The following ANO3 variants were observed in gnomAD, a reference collection of about 807,000 sequenced individuals.
The protein encoded by ANO3 is anoctamin-3.
ANO3 carries 99 observed loss-of-function variants against 144.8 expected under a neutral mutation model. The ratio of observed to expected loss-of-function variants is 0.68; its 90% CI spans 0.58 to 0.81. ANO3 has a LOEUF of 0.81. ANO3 is among the 30% of genes least tolerant of loss of function. The probability of loss-of-function intolerance (pLI) is 0.00; values close to 1 mark genes in which losing one functional copy is unlikely to be tolerated. For synonymous variants in ANO3, 414 were observed against 392.6 expected (o/e 1.05, Z -0.64); for missense variants, 905 against 1,202.2 (o/e 0.75, Z 3.66).
chr11:26,366,317 C>G (rs1193844943), intron 1 of ANO3, among the ~76,000 whole-genome samples: 3 of 152,132 alleles, frequency 2.0e-5, no homozygotes, highest in African/African-American at 7.2e-5. Flanking sequence ...CTACAAAGGA[C>G]ATGAACTCAT....
At chr11:26,415,230 T>A (rs980736571) in intron 1 of ANO3, among the ~76,000 whole-genome samples, 1 of 152,038 alleles carries the variant, frequency 6.6e-6, no homozygotes, top group Non-Finnish European at 1.5e-5. Flanking sequence ...ATATTAGACC[T>A]GCTAGGAATT....
intron 1 of ANO3, among the ~76,000 whole-genome samples, chr11:26,260,253 T>G (rs11029451): frequency 0.02 from 3,003 of 152,198 alleles, 62 homozygotes; most frequent in East Asian, 0.12. Context: ...ATATAAGACT[T>G]CTTTTCCCAA....
chr11:26,241,138 CTT>C (rs59518303), intron 1 of ANO3, among the ~76,000 whole-genome samples: 1 of 152,184 alleles, frequency 6.6e-6, no homozygotes, highest in Non-Finnish European at 1.5e-5. Flanking sequence ...CTCTCTCTCT[CTT>C]TGCCTGTCAC....
chr11:26,428,003 G>A (rs933471656), intron 1 of ANO3, among the ~76,000 whole-genome samples: 4 of 151,974 alleles, frequency 2.6e-5, no homozygotes, highest in Non-Finnish European at 4.4e-5. Flanking sequence ...TGACACGTGG[G>A]GAATATGTGA....
At chr11:26,649,561 A>G (rs1180185002) in intron 24 of ANO3, among the ~76,000 whole-genome samples, 1 of 151,930 alleles carries the variant, frequency 6.6e-6, no homozygotes. Flanking sequence ...ACATGGTGAA[A>G]CCCCCTCACT....
At chr11:26,253,151 G>A (rs1317153001) in intron 1 of ANO3, among the ~76,000 whole-genome samples, 6 of 152,106 alleles carry the variant, frequency 3.9e-5, no homozygotes, top group Non-Finnish European at 1.5e-5. Flanking sequence ...ATGGTACACA[G>A]CACTTCTCTA....
chr11:26,499,571 T>G (rs10767538), intron 4 of ANO3, among the ~76,000 whole-genome samples: 90,337 of 151,086 alleles, frequency 0.6, 27,678 homozygotes, highest in East Asian at 0.68. Flanking sequence ...GAAAATTTTA[T>G]GGATTTGTAA....
chr11:26,534,735 A>G (rs2134191080), intron 9 of ANO3, among the ~76,000 whole-genome samples, 173 bp downstream of exon 9: 1 of 152,340 alleles, frequency 6.6e-6, no homozygotes, highest in East Asian at 1.9e-4. Flanking sequence ...AAAACAAAAA[A>G]AACTTTTTTG....
At chr11:26,536,868 G>C (rs544501327) in intron 9 of ANO3, among the ~76,000 whole-genome samples, 2 of 152,070 alleles carry the variant, frequency 1.3e-5, no homozygotes, top group African/African-American at 4.8e-5. Flanking sequence ...GTTCTTACCA[G>C]GAGTATATGA....
At chr11:26,513,250 A>G (rs563470406) in intron 5 of ANO3, among the ~76,000 whole-genome samples, 2 of 152,238 alleles carry the variant, frequency 1.3e-5, no homozygotes, top group Admixed American at 6.5e-5. Context: ...TCTGGATGAA[A>G]TGAGGTTCTA....
At chr11:26,340,473 A>G (rs1222529614) in intron 1 of ANO3, among the ~76,000 whole-genome samples, 2 of 152,178 alleles carry the variant, frequency 1.3e-5, no homozygotes, top group East Asian at 3.9e-4. Flanking sequence ...AGAATCACCT[A>G]ACATTCTTGT....
At chr11:26,263,860 G>T (rs541653002) in intron 1 of ANO3, among the ~76,000 whole-genome samples, 333 of 152,216 alleles carry the variant, frequency 2.2e-3, no homozygotes, top group African/African-American at 7.9e-3. Flanking sequence ...GTATCATTTG[G>T]TTCCTATAAA....
chr11:26,640,893 C>T (rs1179763925), intron 21 of ANO3, among the ~76,000 whole-genome samples: 1 of 152,170 alleles, frequency 6.6e-6, no homozygotes, highest in Non-Finnish European at 1.5e-5. Flanking sequence ...CAGATCGCCT[C>T]AACTCTCACC....
chr11:26,307,742 T>TAAG (rs1216663656), upstream of ANO3, among the ~76,000 whole-genome samples: 1 of 148,394 alleles, frequency 6.7e-6, no homozygotes, highest in Non-Finnish European at 1.5e-5. Context: ...ATAATAATAA[T>TAAG]AATAATAATA....
chr11:26,659,105 T>A (rs1173421559), intron 26 of ANO3, among the ~76,000 whole-genome samples: 1 of 125,772 alleles, frequency 8.0e-6, no homozygotes, highest in Non-Finnish European at 1.9e-5. Flanking sequence ...CACACATATA[T>A]ATATACACAC....
chr11:26,615,209 C>G (rs1175208407), intron 17 of ANO3, among the ~76,000 whole-genome samples: 2 of 148,826 alleles, frequency 1.3e-5, no homozygotes, highest in Non-Finnish European at 3.0e-5. Context: ...ATGAGCTACC[C>G]ATAAAACCAC....
chr11:26,585,004 G>T (rs1851236888), intron 14 of ANO3, among the ~76,000 whole-genome samples: 1 of 152,112 alleles, frequency 6.6e-6, no homozygotes, highest in African/African-American at 2.4e-5. Flanking sequence ...CAGCTTTTCT[G>T]GAATATCCCT....
intron 10 of ANO3, among the ~76,000 whole-genome samples, chr11:26,541,219 C>G (rs1453936366): frequency 2.0e-5 from 3 of 152,092 alleles, no homozygotes; most frequent in Non-Finnish European, 4.4e-5. Context: ...ACCCCATGTT[C>G]TCACTCATAA....
Position 26,375,294 on chromosome 11 carries a change from T to C in ANO3, c.46+42973T>C, listed in dbSNP as rs548026913. Among the ~76,000 whole-genome samples, 773 of 152,298 alleles carry C rather than the reference T, an allele frequency of 5.1e-3. 1 individual carries two copies. The highest frequency in any genetic ancestry group is 0.014 in the Middle Eastern group (4 of 294). On this transcript the variant is annotated intron_variant, in intron 1 of 26. Coordinates refer to ENST00000256737, the MANE Select transcript of ANO3 (RefSeq NM_031418.4). ...TCTGACAGGAGGTGGAGCTCAGTTT[T>C]GCTCACTTGCCTGCCACTCACCTCC...
Sources: gnomAD v4.1 joint callset for allele counts (sites outside exome capture counted in the v4.1 genomes callset) on GRCh38, gnomAD v4.1.1 for gene constraint, MANE v1.5 for transcripts, NCBI Gene and HGNC (gene_info 2026-07-23, HGNC 2026-07-21) for gene names.